The following SOD2 variants were observed in gnomAD, a reference collection of about 807,000 sequenced individuals.
SOD2 encodes superoxide dismutase 2, also known as superoxide dismutase [Mn], mitochondrial.
In SOD2, 11 loss-of-function variants were observed where a neutral mutation model predicts 27.0. The ratio of observed to expected loss-of-function variants is 0.41; its 90% CI spans 0.26 to 0.67. The LOEUF (loss-of-function observed/expected upper bound fraction) is 0.67. Among genes scored for constraint, SOD2 ranks in the 30% least tolerant of loss-of-function variants. The pLI is 0.34. For synonymous variants in SOD2, 105 were observed against 103.0 expected (o/e 1.02, Z -0.12); for missense variants, 250 against 274.5 (o/e 0.91, Z 0.63).
chr6:159,755,425 G>T (rs148398445), intron 1 of SOD2: 77 of 1,614,054 alleles, frequency 4.8e-5, no homozygotes, highest in African/African-American at 4.3e-4. Context: ...TCAGTGCGGG[G>T]TATGAAAGTG....
chr6:159,755,405 G>C (rs373161821), intron 1 of SOD2: 1 of 1,614,158 alleles, frequency 6.2e-7, no homozygotes, highest in East Asian at 2.2e-5. Flanking sequence ...TAGTGGTTAC[G>C]TAAATCAACT....
At chr6:159,746,203 C>T (rs1356992893), upstream of SOD2, among the ~76,000 whole-genome samples, 1 of 152,142 alleles carries the variant, frequency 6.6e-6, no homozygotes, top group Non-Finnish European at 1.5e-5. Context: ...TACCCCTGCT[C>T]TAGAGGAACT....
At chr6:159,744,024 TTATAAG>T (rs2114929668) in intron 1 of SOD2, among the ~76,000 whole-genome samples, 1 of 152,294 alleles carries the variant, frequency 6.6e-6, no homozygotes, top group Admixed American at 6.5e-5. Context: ...TTTTCATGCC[TTATAAG>T]TATTAGTTCA....
At chr6:159,728,233 A>G (rs1778336454), upstream of SOD2, among the ~76,000 whole-genome samples, 1 of 152,252 alleles carries the variant, frequency 6.6e-6, no homozygotes, top group African/African-American at 2.4e-5. Context: ...TGTGAAATCC[A>G]AGTCTTACCT....
chr6:159,727,777 C>T (rs1183031622), upstream of SOD2: 40 of 966,476 alleles, frequency 4.1e-5, no homozygotes, highest in Non-Finnish European at 4.7e-5. Context: ...CAGCCGCCCC[C>T]GGCGGGTAAG....
upstream of SOD2, chr6:159,727,702 A>T (rs1220769836): frequency 8.1e-6 from 8 of 984,478 alleles, no homozygotes; most frequent in South Asian, 3.3e-4. Context: ...CTGCCTGGAG[A>T]GGTAGGCGCG....
Position 159,717,905 on chromosome 6 carries a change from G to A in SOD2, c.-116+9224C>T, listed in dbSNP as rs1037496304. On this transcript the variant is annotated intron_variant, in intron 1 of 2. Coordinates refer to the SOD2 transcript ENST00000401980. Reference sequence around the variant, plus strand: ...CATATATATGTATGGATATGTGTGTGTGTGTGTGTGTGTGTGTGTGTGTAT... The same window carrying A: ...CATATATATGTATGGATATGTGTGTATGTGTGTGTGTGTGTGTGTGTGTAT... Among the ~76,000 whole-genome samples, 2 of 110,132 alleles carry A rather than the reference G, an allele frequency of 1.8e-5. 1 individual carries two copies. The allele number at this position is 110,132 out of a possible 152,430, so 72.3% of individuals were successfully genotyped here.
upstream of SOD2, among the ~76,000 whole-genome samples, chr6:159,693,739 G>A (rs1444820984): frequency 6.6e-6 from 1 of 152,174 alleles, no homozygotes; most frequent in Non-Finnish European, 1.5e-5. Flanking sequence ...TAGGGAAGAC[G>A]GGGCCTAGCT....
upstream of SOD2, among the ~76,000 whole-genome samples, chr6:159,750,176 T>G (rs1020324583): frequency 6.6e-6 from 1 of 152,216 alleles, no homozygotes; most frequent in African/African-American, 2.4e-5. Flanking sequence ...GCTTATGTGC[T>G]TGCATTAAGG....
Position 159,672,996 on chromosome 6 carries a change from CAAAG to C in SOD2, c.*9493_*9496del, listed in dbSNP as rs1412214246. On this transcript the variant is annotated 3_prime_UTR_variant, in exon 5 of 5. Transcript: ENST00000538183. Reference sequence around the variant, plus strand: ...TTAAACCAACAAAGATCAAAAGAGACAAAGAAGGCCATTACATGATAGTAAAGGG... The same window carrying C: ...TTAAACCAACAAAGATCAAAAGAGACAAGGCCATTACATGATAGTAAAGGG... 1 of 152,048 alleles carries C rather than the reference CAAAG, an allele frequency of 6.6e-6. No homozygotes were observed. Among genetic ancestry groups the C allele is most frequent in the African/African-American group, 2.4e-5 (1 of 41,404 alleles). 9.4% of individuals were successfully genotyped at this position (152,048 alleles called of 1,614,324 possible).
chr6:159,742,176 T>C (rs1027568621), intron 1 of SOD2: 2 of 1,525,186 alleles, frequency 1.3e-6, no homozygotes, highest in South Asian at 2.4e-5. Flanking sequence ...TCCTAAAGAC[T>C]GAATAATCTC....
intron 1 of SOD2, among the ~76,000 whole-genome samples, chr6:159,733,911 C>T (rs757502799): frequency 2.0e-5 from 3 of 151,868 alleles, no homozygotes; most frequent in Non-Finnish European, 2.9e-5. Flanking sequence ...AGCGAAACTC[C>T]ATCTCCAAAA....
chr6:159,727,111 C>T lies in SOD2; in HGVS notation c.-116+18G>A, dbSNP rs943976219. 3.3e-5 allele frequency: 39 copies of T among 1,194,144 alleles called. 1 individual carries two copies. The South Asian group carries it at 3.9e-4, about 12-fold the overall frequency. 74.0% of individuals were successfully genotyped at this position (1,194,144 alleles called of 1,614,324 possible). Reference sequence around the variant, plus strand: ...CCGACCTCGCTGGCCCGCCCCTCCCCTCGGCCGCTTCCCTTACTGAGCTTG... The same window carrying T: ...CCGACCTCGCTGGCCCGCCCCTCCCTTCGGCCGCTTCCCTTACTGAGCTTG... On this transcript the variant is annotated intron_variant, in intron 1 of 2. Coordinates refer to the SOD2 transcript ENST00000401980.
intron 1 of SOD2, among the ~76,000 whole-genome samples, chr6:159,717,921 GTGTGTGTA>G (rs1353813803): frequency 1.4e-5 from 2 of 140,806 alleles, no homozygotes; most frequent in South Asian, 2.2e-4. Flanking sequence ...GTGTGTGTGT[GTGTGTGTA>G]TATGTGTATA....
At chr6:159,727,193 T>C in exon 1 of SOD2, 5 of 1,231,278 alleles carry the variant, frequency 4.1e-6, no homozygotes, top group Non-Finnish European at 5.2e-6. Context: ...ACGGGGAGTG[T>C]TACCGGGGAG....
intron 1 of SOD2, among the ~76,000 whole-genome samples, chr6:159,737,392 A>G (rs1353795724): frequency 3.3e-5 from 5 of 152,200 alleles, no homozygotes; most frequent in Non-Finnish European, 7.3e-5. Context: ...GTTCCATTTT[A>G]TGGTAATACT....
At chr6:159,714,224 C>T (rs920744066) in intron 1 of SOD2, among the ~76,000 whole-genome samples, 22 of 152,182 alleles carry the variant, frequency 1.4e-4, no homozygotes, top group Admixed American at 2.6e-4. Flanking sequence ...CAGGCCCTCA[C>T]CTCCCTAGAC....
At chr6:159,701,569 CAAAAA>C (rs752905908) in intron 1 of SOD2, among the ~76,000 whole-genome samples, 1 of 78,042 alleles carries the variant, frequency 1.3e-5, no homozygotes, top group African/African-American at 5.0e-5. Flanking sequence ...GACCCTGTTT[CAAAAA>C]AAAAAAAAAA....
intron 1 of SOD2, chr6:159,754,937 T>C (rs1233507145): frequency 1.5e-6 from 2 of 1,318,668 alleles, no homozygotes; most frequent in Non-Finnish European, 2.0e-6. Flanking sequence ...CTTGAGCGTT[T>C]ATTGACTCCC....
Sources: allele counts gnomAD v4.1 joint callset (sites outside exome capture counted in the v4.1 genomes callset), GRCh38; gene constraint gnomAD v4.1.1; transcripts MANE v1.5; gene names NCBI Gene and HGNC (gene_info 2026-07-23, HGNC 2026-07-21).